CEP128: variants seen among roughly 807,000 people sequenced by gnomAD.
CEP128 encodes centrosomal protein 128kDa.
CEP128 carries 132 observed loss-of-function variants against 156.7 expected under a neutral mutation model. The ratio of observed to expected loss-of-function variants is 0.84; its 90% confidence interval spans 0.73 to 0.97. The LOEUF (loss-of-function observed/expected upper bound fraction) is 0.97. Among genes scored for constraint, CEP128 ranks in the 50% least tolerant of loss-of-function variants. CEP128 has a pLI of 0.00. For missense variants in CEP128, 1,252 were observed against 1,281.9 expected (o/e 0.98, Z 0.36); for synonymous variants, 469 against 448.9 (o/e 1.04, Z -0.57).
chr14:80,596,258 G>C (rs1410159792), intron 19 of CEP128, among the ~76,000 whole-genome samples: 1 of 152,086 alleles, frequency 6.6e-6, no homozygotes, highest in South Asian at 2.1e-4. Flanking sequence ...AAAGTGTAAT[G>C]ATATAGGTTA....
At chr14:80,826,718 A>G (rs1000844868) in intron 13 of CEP128, among the ~76,000 whole-genome samples, 3 of 152,184 alleles carry the variant, frequency 2.0e-5, no homozygotes, top group Non-Finnish European at 4.4e-5. Context: ...TTGTCACTCA[A>G]TTATCACTTT....
At chr14:80,561,644 AC>A (rs1890677960) in intron 20 of CEP128, among the ~76,000 whole-genome samples, 1 of 152,126 alleles carries the variant, frequency 6.6e-6, no homozygotes, top group Admixed American at 6.6e-5. Flanking sequence ...GTTAAGATTA[AC>A]GTATTTTAAA....
chr14:80,868,580 A>G (rs368681564), intron 8 of CEP128, among the ~76,000 whole-genome samples: 1 of 152,178 alleles, frequency 6.6e-6, no homozygotes, highest in Non-Finnish European at 1.5e-5. Flanking sequence ...GAGAGAAAAA[A>G]ATAAATGAAG....
intron 22 of CEP128, chr14:80,527,193 C>A: frequency 1.8e-6 from 1 of 550,324 alleles, no homozygotes; most frequent in Non-Finnish European, 3.4e-6. Flanking sequence ...CTTTAGGAGG[C>A]CAAGGTGGGA....
chr14:80,607,342 G>A (rs1240439630), intron 19 of CEP128, among the ~76,000 whole-genome samples: 2 of 152,046 alleles, frequency 1.3e-5, no homozygotes, highest in Non-Finnish European at 2.9e-5. Context: ...GGAAGGAGAT[G>A]GAGTGAGAAA....
rs114137738 is a variant in CEP128 at position 80,664,360 on chromosome 14, G to A, written c.2806+78715C>T. ...ACTCACAGATTCTAAGGAAACCAGT[G>A]CATCAGAGAGTTTAGCAAATTAGCT... On this transcript the variant is annotated intron_variant, in intron 19 of 24. Coordinates refer to ENST00000555265, the MANE Select transcript of CEP128 (RefSeq NM_152446.5). Among the ~76,000 whole-genome samples, 677 of 152,238 alleles carry A rather than the reference G, an allele frequency of 4.4e-3. 3 individuals are homozygous for A. Among genetic ancestry groups the A allele is most frequent in the African/African-American group, 0.016 (649 of 41,538 alleles).
chr14:80,737,115 A>T (rs1179931870), intron 19 of CEP128, among the ~76,000 whole-genome samples: 1 of 152,212 alleles, frequency 6.6e-6, no homozygotes. Context: ...GTTGTTAAAA[A>T]CAATTATAGG....
At chr14:80,576,640 T>A (rs1302804799) in intron 20 of CEP128, among the ~76,000 whole-genome samples, 1 of 117,972 alleles carries the variant, frequency 8.5e-6, no homozygotes, top group Non-Finnish European at 1.8e-5. Context: ...TGTGTGTGTG[T>A]GTGTGTGTGT....
chr14:80,685,962 G>C (rs1313463506), intron 19 of CEP128, among the ~76,000 whole-genome samples: 1 of 152,010 alleles, frequency 6.6e-6, no homozygotes, highest in Non-Finnish European at 1.5e-5. Flanking sequence ...ATTACCTCAA[G>C]ATGTATTGAA....
At chr14:80,508,718 T>G (rs1191450084) in intron 23 of CEP128, among the ~76,000 whole-genome samples, 1 of 152,216 alleles carries the variant, frequency 6.6e-6, no homozygotes, top group Non-Finnish European at 1.5e-5. Context: ...AAAAATTTAC[T>G]GGTAGAGTAA....
chr14:80,559,315 C>G lies in CEP128; in HGVS notation c.2857-13G>C. ...CAATTACACGGTCCTGCAAAGAAAGCATAATATATAATTATAAAACGAAGG... is the reference window on the plus strand; with the variant it reads ...CAATTACACGGTCCTGCAAAGAAAGGATAATATATAATTATAAAACGAAGG... On this transcript the variant is annotated splice_polypyrimidine_tract_variant and intron_variant, in intron 20 of 24. Transcript: ENST00000555265. 6.3e-7 allele frequency: 1 copy of G among 1,587,630 alleles called. No individual in the cohort carries two copies. The highest frequency in any genetic ancestry group is 1.8e-5 in the Admixed American group (1 of 54,482).
intron 14 of CEP128, among the ~76,000 whole-genome samples, chr14:80,481,060 A>G (rs1887042104): frequency 6.6e-6 from 1 of 152,202 alleles, no homozygotes; most frequent in African/African-American, 2.4e-5. Flanking sequence ...ACCCAGTTCC[A>G]AAGTCGCTTC....
At chr14:80,804,141 A>T (rs185128680) in intron 13 of CEP128, among the ~76,000 whole-genome samples, 24 of 152,206 alleles carry the variant, frequency 1.6e-4, no homozygotes, top group Middle Eastern at 3.4e-3. Flanking sequence ...TTTTTAAATA[A>T]TTAAAAGTTT....
chr14:80,871,037 C>T (rs1210409613), intron 8 of CEP128, among the ~76,000 whole-genome samples: 3 of 150,210 alleles, frequency 2.0e-5, no homozygotes, highest in African/African-American at 7.3e-5. Flanking sequence ...AAGATTTGTA[C>T]TCTGAAAATA....
chr14:80,798,077 G>A (rs1194411449), intron 13 of CEP128, among the ~76,000 whole-genome samples: 1 of 152,046 alleles, frequency 6.6e-6, no homozygotes, highest in Non-Finnish European at 1.5e-5. Context: ...GTCAAAAAAA[G>A]GAACAACTCA....
chr14:80,522,889 G>C (rs1888806712), intron 23 of CEP128, among the ~76,000 whole-genome samples: 1 of 152,204 alleles, frequency 6.6e-6, no homozygotes, highest in Admixed American at 6.5e-5. Flanking sequence ...CTAACTATAA[G>C]CTTTTAGATC....
intron 23 of CEP128, among the ~76,000 whole-genome samples, chr14:80,517,012 G>C (rs1181624907): frequency 1.3e-5 from 2 of 152,086 alleles, no homozygotes; most frequent in Admixed American, 1.3e-4. Flanking sequence ...ACAATTGCTG[G>C]AGGGTTCTAT....
chr14:80,609,419 A>G (rs1010992371), intron 19 of CEP128, among the ~76,000 whole-genome samples: 2 of 152,186 alleles, frequency 1.3e-5, no homozygotes, highest in African/African-American at 4.8e-5. Context: ...GGAATTTTAT[A>G]TTATTAAGAT....
chr14:80,752,662 C>T (rs1010440491), intron 18 of CEP128, among the ~76,000 whole-genome samples: 3 of 152,154 alleles, frequency 2.0e-5, no homozygotes, highest in Non-Finnish European at 4.4e-5. Context: ...AGACAATATT[C>T]ATAAATGTAA....
Sources: gnomAD v4.1 joint callset for allele counts (sites outside exome capture counted in the v4.1 genomes callset) on GRCh38, gnomAD v4.1.1 for gene constraint, MANE v1.5 for transcripts, NCBI Gene and HGNC (gene_info 2026-07-23, HGNC 2026-07-21) for gene names.